OR2T12: variants seen among roughly 807,000 people sequenced by gnomAD.
OR2T12 encodes the protein olfactory receptor family 2 subfamily T member 12, also known as olfactory receptor 2T12.
For missense variants in OR2T12, 335 were observed against 404.3 expected (o/e 0.83, Z 1.47); for synonymous variants, 127 against 160.5 (o/e 0.79, Z 1.58).
chr1:248,295,934 A>C (rs1466320133), intron 2 of OR2T12, among the ~76,000 whole-genome samples: 1 of 152,054 alleles, frequency 6.6e-6, no homozygotes, highest in Non-Finnish European at 1.5e-5. Context: ...TACATGTGAC[A>C]TGCTGGTGCG....
chr1:248,293,508 C>A lies in OR2T12; in HGVS notation c.*1108G>T, dbSNP rs1659662936. 1 of 152,182 alleles carries A rather than the reference C, an allele frequency of 6.6e-6. No individual in the cohort carries two copies. The highest frequency in any genetic ancestry group is 1.5e-5 in the Non-Finnish European group (1 of 68,018). 9.4% of individuals were successfully genotyped at this position (152,182 alleles called of 1,614,324 possible). Reference sequence around the variant, plus strand: ...AACCACTGCTTTCCTCCATCACTATCTATCTTGTGTCTTTAATAATAGTAT... The same window carrying A: ...AACCACTGCTTTCCTCCATCACTATATATCTTGTGTCTTTAATAATAGTAT... On this transcript the variant is annotated 3_prime_UTR_variant, in exon 3 of 3. Coordinates refer to ENST00000641276, the MANE Select transcript of OR2T12 (RefSeq NM_001004692.2).
Position 248,292,341 on chromosome 1 carries a change from A to G in OR2T12, c.*2275T>C, listed in dbSNP as rs1346572330. ...ATTCAAAATTTTGTTTCTACCATTCATGCTCTTGTATACTCTGTCTCTATC... is the reference window on the plus strand; with the variant it reads ...ATTCAAAATTTTGTTTCTACCATTCGTGCTCTTGTATACTCTGTCTCTATC... On this transcript the variant is annotated 3_prime_UTR_variant, in exon 3 of 3. Coordinates refer to ENST00000641276, the MANE Select transcript of OR2T12 (RefSeq NM_001004692.2). 6.6e-6 allele frequency: 1 copy of G among 152,112 alleles called. No individual in the cohort carries two copies. Among genetic ancestry groups the G allele is most frequent in the Non-Finnish European group, 1.5e-5 (1 of 67,972 alleles). 9.4% of individuals were successfully genotyped at this position (152,112 alleles called of 1,614,324 possible).
rs986679574 is a variant in OR2T12, at chr1:248,291,661, G to T, written c.*2955C>A. The T allele has an allele frequency of 6.6e-6, 1 of 152,122 alleles. No homozygotes were observed. The highest frequency in any genetic ancestry group is 2.4e-5 in the African/African-American group (1 of 41,426). The allele number at this position is 152,122 out of a possible 1,614,324, so 9.4% of individuals were successfully genotyped here. A position where few individuals can be genotyped will look rare whatever the true frequency, so the allele number is the denominator to read the frequency against. ...ATCCTAAGCAAAAAGAACAAAGCTGGTGGCATCATGCTACCTTACTTCAAA... is the reference window on the plus strand; with the variant it reads ...ATCCTAAGCAAAAAGAACAAAGCTGTTGGCATCATGCTACCTTACTTCAAA... On this transcript the variant is annotated 3_prime_UTR_variant, in exon 3 of 3. Transcript: ENST00000641276.
In OR2T12 at chr1:248,294,619, T is replaced by C. The variant is rs780503845; in HGVS notation, c.960A>G (p.Arg320=). ...CTTAGACTCATCTGACACTAGATCA[T>C]CTTGACCTGTGGGCCTCATTTTGCT... is the stretch of plus-strand genomic sequence containing the variant. ...KHQQNEAHRS[R] The change falls in exon 3 of 3, where the codon AGA becomes AGG. Residue 320 remains arginine, a synonymous_variant. Coordinates refer to ENST00000641276, the MANE Select transcript of OR2T12 (RefSeq NM_001004692.2). 2.5e-6 allele frequency: 4 copies of C among 1,613,584 alleles called. No individual in the cohort carries two copies. In the Admixed American group the frequency reaches 6.7e-5, roughly 27 times the overall value.
intron 2 of OR2T12, among the ~76,000 whole-genome samples, chr1:248,298,637 G>A (rs1028629311): frequency 8.6e-5 from 13 of 151,144 alleles, no homozygotes; most frequent in African/African-American, 1.5e-4. Context: ...GTTTATTTGC[G>A]TAGAGGTGTT....
intron 1 of OR2T12, among the ~76,000 whole-genome samples, chr1:248,302,209 C>T (rs1165123553): frequency 6.6e-6 from 1 of 151,910 alleles, no homozygotes; most frequent in Non-Finnish European, 1.5e-5. Flanking sequence ...CAATAATGAT[C>T]ATAGCAATTT....
intron 2 of OR2T12, among the ~76,000 whole-genome samples, chr1:248,298,180 C>G (rs1340442078): frequency 1.3e-5 from 2 of 152,108 alleles, no homozygotes; most frequent in Non-Finnish European, 1.5e-5. Flanking sequence ...TTGAACCAGC[C>G]TTGCATCCCA....
chr1:248,292,842 G>C lies in OR2T12; in HGVS notation c.*1774C>G, dbSNP rs1053732739. 6.6e-6 allele frequency: 1 copy of C among 151,934 alleles called. No homozygotes were observed. The highest frequency in any genetic ancestry group is 1.5e-5 in the Non-Finnish European group (1 of 67,932). 9.4% of individuals were successfully genotyped at this position (151,934 alleles called of 1,614,324 possible). ...ATTTTATCCTTACAAAATTTTAAAG[G>C]CTTAGTTTACCATTTGTAACTCAAC... On this transcript the variant is annotated 3_prime_UTR_variant, in exon 3 of 3. Transcript: ENST00000641276.
chr1:248,300,201 T>G (rs1659795549), intron 2 of OR2T12, among the ~76,000 whole-genome samples: 2 of 152,260 alleles, frequency 1.3e-5, no homozygotes, highest in South Asian at 4.1e-4. Flanking sequence ...TCCTATAACA[T>G]CAGAAGTCTT....
Position 248,292,152 on chromosome 1 carries a change from T to G in OR2T12, c.*2464A>C, listed in dbSNP as rs1277656229. On this transcript the variant is annotated 3_prime_UTR_variant, in exon 3 of 3. Transcript: ENST00000641276. ...CTAGTCGGAGCCACAACATTATGTT[T>G]CTTAATGACTTAAAAATTACACATT... 1.3e-5 allele frequency: 2 copies of G among 152,030 alleles called. No homozygotes were observed. Among genetic ancestry groups the G allele is most frequent in the African/African-American group, 4.8e-5 (2 of 41,430 alleles). The allele number at this position is 152,030 out of a possible 1,614,324, so 9.4% of individuals were successfully genotyped here.
At chr1:248,300,673 C>T (rs987723085) in intron 2 of OR2T12, among the ~76,000 whole-genome samples, 4 of 152,104 alleles carry the variant, frequency 2.6e-5, no homozygotes, top group African/African-American at 9.7e-5. Flanking sequence ...CCATAGCTGT[C>T]CCAGTTATCT....
chr1:248,297,174 C>T (rs1380750114), intron 2 of OR2T12, among the ~76,000 whole-genome samples: 2 of 151,206 alleles, frequency 1.3e-5, no homozygotes, highest in Non-Finnish European at 3.0e-5. Flanking sequence ...AGATATGCAG[C>T]GTTATTTCTG....
chr1:248,301,922 T>C (rs1237765645), intron 1 of OR2T12, among the ~76,000 whole-genome samples: 4 of 151,908 alleles, frequency 2.6e-5, no homozygotes, highest in African/African-American at 9.7e-5. Flanking sequence ...TATGACACTG[T>C]GATACTGTGC....
chr1:248,295,094 A>G lies in OR2T12; in HGVS notation c.485T>C (p.Leu162Pro). 6.2e-7 allele frequency: 1 copy of G among 1,609,224 alleles called. No homozygotes were observed. The highest frequency in any genetic ancestry group is 1.1e-5 in the South Asian group (1 of 90,912). Residue 162 changes from leucine to proline, a missense_variant, in exon 3 of 3, where the codon CTG (leucine) becomes CCG (proline). By Grantham distance (98) the Leu-to-Pro change is moderately conservative (BLOSUM62 -3). Transcript: ENST00000641276. ...ADGLLQAVAT[L>P]SFPYCGAHEI... is the part of the protein sequence containing the mutation. ...GTGTGCACCGCAATATGGGAAGCTC[A>G]GGGTAGCAACAGCCTGCAGGAGGCC...
At position 248,294,758 on chromosome 1, in the gene OR2T12, G is replaced by T; in HGVS notation, c.821C>A (p.Ala274Asp). The change falls in exon 3 of 3, where the codon GCC (alanine) becomes GAC (aspartate). Residue 274 changes from alanine to aspartate, a missense_variant. Ala to Asp is a moderately radical substitution (Grantham distance 126). Transcript: ENST00000641276. ...TAAAGGGGTGAACATAGTATAGAAG[G>T]CTGACACAACCTTATCGTGGTTAGT... is the stretch of plus-strand genomic sequence containing the variant. The part of the protein sequence containing the change: ...RSTNHDKVVS[A>D]FYTMFTPLLN... The T allele has an allele frequency of 2.5e-6, 4 of 1,613,996 alleles. No individual in the cohort carries two copies. The highest frequency in any genetic ancestry group is 2.2e-5 in the South Asian group (2 of 91,068).
intron 2 of OR2T12, among the ~76,000 whole-genome samples, chr1:248,300,189 G>T (rs1488462918): frequency 6.6e-6 from 1 of 152,126 alleles, no homozygotes; most frequent in Non-Finnish European, 1.5e-5. Context: ...CAAACAGATA[G>T]TTCCTATAAC....
At chr1:248,300,786 C>T (rs1271901276) in intron 2 of OR2T12, among the ~76,000 whole-genome samples, 1 of 151,924 alleles carries the variant, frequency 6.6e-6, no homozygotes, top group Non-Finnish European at 1.5e-5. Flanking sequence ...TATGAGCTTC[C>T]TTGCAAGAAG....
At chr1:248,296,731 T>A (rs1361232355) in intron 2 of OR2T12, among the ~76,000 whole-genome samples, 4 of 152,196 alleles carry the variant, frequency 2.6e-5, no homozygotes, top group Non-Finnish European at 5.9e-5. Flanking sequence ...TTTGTTTGAG[T>A]TCATTGTAGA....
rs1659695136 is a variant in OR2T12 at position 248,294,995 on chromosome 1, T to G, written c.584A>C (p.Asn195Thr). ...LACADTSVFE[N>T]AMYICCVLML... ...TAACACACAGCAGATGTACATGGCG[T>G]TTTCGAAGACTGAAGTGTCAGCACA... The change falls in exon 3 of 3, where the codon AAC becomes ACC. Residue 195 changes from asparagine (N) to threonine (T), a missense_variant. Transcript: ENST00000641276. 6.2e-7 allele frequency: 1 copy of G among 1,610,198 alleles called. No homozygotes were observed. Among genetic ancestry groups the G allele is most frequent in the East Asian group, 2.2e-5 (1 of 44,822 alleles).
Sources: allele counts gnomAD v4.1 joint callset (sites outside exome capture counted in the v4.1 genomes callset), GRCh38; gene constraint gnomAD v4.1.1; transcripts MANE v1.5; gene names NCBI Gene and HGNC (gene_info 2026-07-23, HGNC 2026-07-21).